ZNF839: variants seen among roughly 807,000 people sequenced by gnomAD.
ZNF839 encodes renal carcinoma antigen NY-REN-50.
A neutral mutation model predicts 56.4 loss-of-function variants in ZNF839; 38 were observed. The ratio of observed to expected loss-of-function variants is 0.67; its 90% CI spans 0.52 to 0.88. The LOEUF is 0.88. Ranked by LOEUF, ZNF839 falls within the 40% of genes least tolerant of loss-of-function variation. The pLI, the probability that ZNF839 is intolerant of heterozygous loss-of-function variation, is 0.00. For synonymous variants in ZNF839, 486 were observed against 493.5 expected (o/e 0.98, Z 0.20); for missense variants, 1,091 against 1,177.6 (o/e 0.93, Z 1.08).
At chr14:102,333,556 T>C (rs1028661475) in intron 3 of ZNF839, among the ~76,000 whole-genome samples, 1 of 152,094 alleles carries the variant, frequency 6.6e-6, no homozygotes, top group Non-Finnish European at 1.5e-5. Flanking sequence ...AGCCACTGCG[T>C]CTGGCCTTCT....
chr14:102,327,397 T>A (rs2073474378), intron 2 of ZNF839, among the ~76,000 whole-genome samples: 1 of 152,042 alleles, frequency 6.6e-6, no homozygotes, highest in African/African-American at 2.4e-5. Context: ...TGCCTCAGCC[T>A]CCCAAAATGC....
chr14:102,328,127 G>A (rs1050260391), intron 2 of ZNF839, among the ~76,000 whole-genome samples: 1 of 151,536 alleles, frequency 6.6e-6, no homozygotes, highest in Non-Finnish European at 1.5e-5. Context: ...GGCCGAGGTG[G>A]GCGGATCACC....
At chr14:102,319,192 G>C (rs2139435033), upstream of ZNF839, 1 of 152,322 alleles carries the variant, frequency 6.6e-6, no homozygotes, top group Non-Finnish European at 1.5e-5. The surrounding 1 kb of genome is among the most constrained non-coding windows in gnomAD (Gnocchi z 4.5). Flanking sequence ...TCTGGGCAGG[G>C]CCTGTGCTGG....
At chr14:102,327,904 T>C (rs2073503275) in intron 2 of ZNF839, among the ~76,000 whole-genome samples, 1 of 73,998 alleles carries the variant, frequency 1.4e-5, no homozygotes, top group South Asian at 4.2e-4. Flanking sequence ...TTACAGAGGG[T>C]GTTGAGAAAA....
upstream of ZNF839, chr14:102,319,644 CA>C: frequency 8.3e-7 from 1 of 1,199,558 alleles, no homozygotes; most frequent in Non-Finnish European, 1.0e-6. This position sits in a 1 kb window ranked among gnomAD's most constrained non-coding sequence, Gnocchi z 4.5. Context: ...CCCGGCCAGA[CA>C]CGGTCGCCTT....
chr14:102,324,752 G>A (rs547987136), intron 1 of ZNF839, among the ~76,000 whole-genome samples: 2 of 151,666 alleles, frequency 1.3e-5, no homozygotes, highest in African/African-American at 2.4e-5. Flanking sequence ...TCAGGATTTC[G>A]AGACCAGCCT....
chr14:102,338,973 G>C lies in ZNF839; in HGVS notation c.1797+20G>C. 1 of 1,614,006 alleles carries C rather than the reference G, an allele frequency of 6.2e-7. No individual in the cohort carries two copies. Among genetic ancestry groups the C allele is most frequent in the Non-Finnish European group, 8.5e-7 (1 of 1,179,894 alleles). On this transcript the variant is annotated intron_variant, in intron 6 of 7. Transcript: ENST00000442396. ...CGTGAGGTGGGCATGGCTGAAGTGG[G>C]TGCCAGGTGACTGTGCACGGTGAAT...
At chr14:102,340,318 C>T (rs1251221630) in intron 7 of ZNF839, among the ~76,000 whole-genome samples, 6 of 146,400 alleles carry the variant, frequency 4.1e-5, no homozygotes, top group African/African-American at 1.5e-4. Context: ...GTCACCCAGG[C>T]TGGAGTGCAA....
At chr14:102,335,212 T>G (rs1290204081) in intron 4 of ZNF839, 2 of 154,772 alleles carry the variant, frequency 1.3e-5, no homozygotes, top group Non-Finnish European at 2.9e-5. Context: ...TCCCTTGACT[T>G]TTAACTTGGT....
rs1323107288 is a variant in ZNF839 at position 102,342,100 on chromosome 14, C to G, written c.2705C>G (p.Pro902Arg). 1.2e-6 allele frequency: 2 copies of G among 1,613,984 alleles called. No homozygotes were observed. The highest frequency in any genetic ancestry group is 1.7e-6 in the Non-Finnish European group (2 of 1,179,900). Residue 902 changes from proline (P) to arginine (R), a missense_variant, in exon 8 of 8, where the codon CCA (proline) becomes CGA (arginine). Pro to Arg is a moderately radical substitution (Grantham distance 103). Transcript: ENST00000442396. Reference protein sequence around the residue: ...QTSDGLILSPPGTIVSQEEDI... With the variant: ...QTSDGLILSPRGTIVSQEEDI... ...TCCGATGGGCTTATCTTGTCCCCTC[C>G]AGGTACAATAGTGTCTCAGGAGGAG...
At position 102,341,937 on chromosome 14, in the gene ZNF839, C is replaced by T. The variant is rs1302787104; in HGVS notation, c.2542C>T (p.Pro848Ser). The T allele has an allele frequency of 1.2e-6, 2 of 1,614,028 alleles. No homozygotes were observed. The highest frequency in any genetic ancestry group is 2.7e-5 in the African/African-American group (2 of 75,054). Residue 848 changes from proline to serine, a missense_variant, in exon 8 of 8, where the codon CCC (proline) becomes TCC (serine). By Grantham distance (74) the Pro-to-Ser change is moderately conservative. Around this residue, in one of 3 missense-constraint regions of ZNF839, gnomAD observed 431 missense variants for 468.0 expected, o/e 0.92. Transcript: ENST00000442396. Reference protein sequence around the residue: ...RSLSGDLNRFPCGMEVHSGQR... With the variant: ...RSLSGDLNRFSCGMEVHSGQR... ...CCTTTCGGGGGACTTGAACCGGTTC[C>T]CCTGTGGGATGGAGGTGCACTCTGG...
chr14:102,342,000 G>A lies in ZNF839; in HGVS notation c.2605G>A (p.Ala869Thr), dbSNP rs774430809. ...GGAGAGCGTGGTTGCTGTCGGCGAAGCCATGGCTTTTGAAATTTCCAATGG... is the reference window on the plus strand; with the variant it reads ...GGAGAGCGTGGTTGCTGTCGGCGAAACCATGGCTTTTGAAATTTCCAATGG... ...ELESVVAVGE[A>T]MAFEISNGSH... The change falls in exon 8 of 8, where the codon GCC becomes ACC. Residue 869 changes from alanine to threonine, a missense_variant. By Grantham distance (58) the Ala-to-Thr change is moderately conservative. Transcript: ENST00000442396. 6.2e-7 allele frequency: 1 copy of A among 1,613,998 alleles called. No homozygotes were observed. Among genetic ancestry groups the A allele is most frequent in the Non-Finnish European group, 8.5e-7 (1 of 1,179,878 alleles).
chr14:102,337,857 G>C (rs540513124), intron 5 of ZNF839: 1 of 152,258 alleles, frequency 6.6e-6, no homozygotes, highest in African/African-American at 2.4e-5. Flanking sequence ...AATGATACCA[G>C]CTGTCTCTTA....
In ZNF839 at chr14:102,332,788, T is replaced by C. The variant is rs1252106056; in HGVS notation, c.1416+942T>C. 6.6e-6 allele frequency among the ~76,000 whole-genome samples: 1 copy of C among 152,114 alleles called. No homozygotes were observed. Among genetic ancestry groups the C allele is most frequent in the Non-Finnish European group, 1.5e-5 (1 of 68,026 alleles). On this transcript the variant is annotated intron_variant, in intron 3 of 7. Coordinates refer to ENST00000442396, the MANE Select transcript of ZNF839 (RefSeq NM_018335.6). The surrounding 1 kb of genome is among the most constrained non-coding windows in gnomAD (Gnocchi z 4.9). ...AGCTGGGCATGGTGGCAGGCGCCTG[T>C]AATCCCAGCCACTTGGGAGACTGAG... is the stretch of plus-strand genomic sequence containing the variant.
In ZNF839 at chr14:102,324,525, A is replaced by C. The variant is rs188711197; in HGVS notation, c.289-1460A>C. Among the ~76,000 whole-genome samples, 397 of 152,290 alleles carry C rather than the reference A, an allele frequency of 2.6e-3. 11 individuals carry two copies. Among genetic ancestry groups the C allele is most frequent in the Admixed American group, 0.023 (345 of 15,292 alleles). ...GCCACTGCATTCCAGCCTGGACCAC[A>C]GAGCGAGACTTCATCTTAAAAAAAA... On this transcript the variant is annotated intron_variant, in intron 1 of 7. Transcript: ENST00000442396.
chr14:102,341,295 A>G (rs775854808), intron 7 of ZNF839, 28 bp from the exon 8 acceptor site: 1 of 1,514,236 alleles, frequency 6.6e-7, no homozygotes, highest in Non-Finnish European at 8.8e-7. Context: ...AGTACACGCC[A>G]TGTTCACCTG....
At position 102,339,296 on chromosome 14, in the gene ZNF839, G is replaced by C. The variant is rs569644883; in HGVS notation, c.1927+73G>C. 138 of 1,532,900 alleles carry C rather than the reference G, an allele frequency of 9.0e-5. 1 individual carries two copies. The African/African-American group carries it at 1.7e-3, about 19-fold the overall frequency. The allele number at this position is 1,532,900 out of a possible 1,614,324, so 95.0% of individuals were successfully genotyped here. On this transcript the variant is annotated intron_variant, in intron 7 of 7. Coordinates refer to ENST00000442396, the MANE Select transcript of ZNF839 (RefSeq NM_018335.6). ...CTGCTGACATGCACAGATGTACCCA[G>C]GATTGCCATTTTTCAGGTTGGGTGA...
chr14:102,327,508 G>T (rs2073481556), intron 2 of ZNF839, among the ~76,000 whole-genome samples: 1 of 152,150 alleles, frequency 6.6e-6, no homozygotes, highest in Non-Finnish European at 1.5e-5. Context: ...CAGCCATGAG[G>T]GTTCTGCCCC....
intron 4 of ZNF839, 198 bp from the exon 5 acceptor site, chr14:102,335,491 T>C: frequency 1.8e-6 from 1 of 560,712 alleles, no homozygotes; most frequent in South Asian, 2.2e-5. Context: ...TTTCTTGGCC[T>C]GCTCCTCCCA....
Sources: gnomAD v4.1 joint callset for allele counts (sites outside exome capture counted in the v4.1 genomes callset) on GRCh38, gnomAD v4.1.1 for gene constraint, gnomAD v4.1.1 regional missense constraint, Gnocchi (gnomAD v3.1) non-coding constraint, MANE v1.5 for transcripts, NCBI Gene and HGNC (gene_info 2026-07-23, HGNC 2026-07-21) for gene names.